The following SMARCA5 variants were observed in gnomAD, a reference collection of about 807,000 sequenced individuals.
SMARCA5 encodes SNF2 related chromatin remodeling ATPase 5, also known as SWI/SNF-related matrix-associated actin-dependent regulator of chromatin subfamily A member 5.
A neutral mutation model predicts 140.4 loss-of-function variants in SMARCA5; 18 were observed. That is an observed-to-expected ratio of 0.13 (90% CI 0.09 to 0.19). The LOEUF is 0.19. Among genes scored for constraint, SMARCA5 ranks in the 10% least tolerant of loss-of-function variants. The pLI, the probability that SMARCA5 is intolerant of heterozygous loss-of-function variation, is 1.00. For synonymous variants in SMARCA5, 449 were observed against 419.6 expected, an observed-to-expected ratio of 1.07 and a Z score of -0.86; for missense variants, 606 against 1,276.8, an observed-to-expected ratio of 0.47 and a Z score of 8.01.
At chr4:143,541,295 C>T (rs887689886) in intron 14 of SMARCA5, among the ~76,000 whole-genome samples, 2 of 152,124 alleles carry the variant, frequency 1.3e-5, no homozygotes, top group Admixed American at 6.5e-5. Context: ...CATTTGTGAG[C>T]ATGTATTTAC....
intron 2 of SMARCA5, among the ~76,000 whole-genome samples, chr4:143,521,119 T>C (rs1736948509): frequency 6.6e-6 from 1 of 152,126 alleles, no homozygotes; most frequent in Non-Finnish European, 1.5e-5. Context: ...TGATGCAGAG[T>C]AGTTCCATCA....
In SMARCA5 at chr4:143,519,722, T is replaced by C. The variant is rs80323730; in HGVS notation, c.253-1707T>C. Among the ~76,000 whole-genome samples, 612 of 152,230 alleles carry C rather than the reference T, an allele frequency of 4.0e-3. 5 individuals carry two copies. Among genetic ancestry groups the C allele is most frequent in the African/African-American group, 0.014 (579 of 41,548 alleles). The stretch of plus-strand genomic sequence containing the variant: ...TCGTTCTTGAACCCAGAATGCTGAG[T>C]ACTACTTCAGAAAACTAAATACTAG... On this transcript the variant is annotated intron_variant, in intron 2 of 23. Transcript: ENST00000283131.
chr4:143,538,627 A>G lies in SMARCA5; in HGVS notation c.1533A>G (p.Val511=). 1.9e-6 allele frequency: 3 copies of G among 1,611,088 alleles called. No individual in the cohort carries two copies. In the Middle Eastern group the frequency reaches 5.0e-4, roughly 266 times the overall value. The change falls in exon 12 of 24, where the codon GTA becomes GTG. Residue 511 remains valine, a synonymous_variant. Coordinates refer to ENST00000283131, the MANE Select transcript of SMARCA5 (RefSeq NM_003601.4). ...TAATCTTCAGTCAAATGACAAGGGT[A>G]TTGGACATTTTGGAAGATTATTGCA... ...RVLIFSQMTR[V]LDILEDYCMW...
intron 14 of SMARCA5, among the ~76,000 whole-genome samples, chr4:143,542,165 CTT>C (rs1036983336): frequency 1.3e-5 from 2 of 152,146 alleles, no homozygotes; most frequent in African/African-American, 4.8e-5. Flanking sequence ...GTCCAAAACA[CTT>C]TTTTTAAAGA....
rs1285970783 is a variant in SMARCA5, at chr4:143,527,990, T to C, written c.924T>C (p.Asp308=). Residue 308 remains aspartate, a synonymous_variant, in exon 7 of 24, where the codon GAT becomes GAC. Coordinates refer to ENST00000283131, the MANE Select transcript of SMARCA5 (RefSeq NM_003601.4). The part of the protein sequence containing the change: ...KKFNWRYLVI[D]EAHRIKNEKS... ...TTAATTGGAGATACTTAGTAATAGATGAAGCTCACAGGATCAAAAATGAAA... is the reference window on the plus strand; with the variant it reads ...TTAATTGGAGATACTTAGTAATAGACGAAGCTCACAGGATCAAAAATGAAA... The C allele has an allele frequency of 3.8e-6, 6 of 1,584,810 alleles. No homozygotes were observed. Among genetic ancestry groups the C allele is most frequent in the Non-Finnish European group, 5.1e-6 (6 of 1,171,336 alleles).
intron 21 of SMARCA5, 34 bp from the exon 22 acceptor site, chr4:143,547,894 G>C (rs958200494): frequency 1.6e-6 from 2 of 1,219,310 alleles, no homozygotes; most frequent in Non-Finnish European, 2.3e-6. Flanking sequence ...TATAGGATTT[G>C]TATTTTATAT....
Position 143,521,528 on chromosome 4 carries a change from T to A in SMARCA5, c.352T>A (p.Leu118Met). Reference protein sequence around the residue: ...PAAQKTPTSPLKMKPGRPRIK... With the variant: ...PAAQKTPTSPMKMKPGRPRIK... The stretch of plus-strand genomic sequence containing the variant: ...TGCTCAGAAGACTCCAACTTCACCT[T>A]TGAAGATGAAACCAGGGCGCCCACG... The change falls in exon 3 of 24, where the codon TTG (leucine) becomes ATG (methionine). Residue 118 changes from leucine (L) to methionine (M), a missense_variant. Physicochemically the swap from Leu to Met is conservative, Grantham distance 15. Transcript: ENST00000283131. The A allele has an allele frequency of 6.2e-7, 1 of 1,613,826 alleles. No individual in the cohort carries two copies. Among genetic ancestry groups the A allele is most frequent in the Non-Finnish European group, 8.5e-7 (1 of 1,179,864 alleles).
In SMARCA5 at chr4:143,516,205, ATTTT is replaced by A. The variant is rs60061501; in HGVS notation, c.178-1132_178-1129del. 6.5e-4 allele frequency among the ~76,000 whole-genome samples: 81 copies of A among 124,394 alleles called. 1 individual carries two copies. Among genetic ancestry groups the A allele is most frequent in the Admixed American group, 2.4e-3 (30 of 12,644 alleles). The allele number at this position is 124,394 out of a possible 152,430, so 81.6% of individuals were successfully genotyped here. A position where few individuals can be genotyped will look rare whatever the true frequency, so the allele number is the denominator to read the frequency against. ...AACAGAGTAAACCCAGCATTCATGA[ATTTT>A]TTTTTTTTTTTTTTTTTGGTGACAA... On this transcript the variant is annotated intron_variant, in intron 1 of 23. Transcript: ENST00000283131.
Position 143,557,435 on chromosome 4 carries a change from A to G in SMARCA5, c.*4251A>G, listed in dbSNP as rs763714443. On this transcript the variant is annotated 3_prime_UTR_variant, in exon 24 of 24. Coordinates refer to ENST00000283131, the MANE Select transcript of SMARCA5 (RefSeq NM_003601.4). ...TAGATTGTGAATAAATTGGGAAAAG[A>G]AATAGAGATAAGTAGAGATTATTTC... 6.6e-5 allele frequency: 10 copies of G among 152,360 alleles called. No individual in the cohort carries two copies. The highest frequency in any genetic ancestry group is 3.4e-3 in the Middle Eastern group (1 of 294). The allele number at this position is 152,360 out of a possible 1,614,324, so 9.4% of individuals were successfully genotyped here. A position where few individuals can be genotyped will look rare whatever the true frequency, so the allele number is the denominator to read the frequency against.
At chr4:143,520,165 T>G (rs957088425) in intron 2 of SMARCA5, among the ~76,000 whole-genome samples, 14 of 152,298 alleles carry the variant, frequency 9.2e-5, no homozygotes, top group Admixed American at 3.9e-4. Flanking sequence ...TTATCTTGAT[T>G]CCAAACATAA....
chr4:143,514,538 A>G (rs1382833485), intron 1 of SMARCA5: 1 of 159,620 alleles, frequency 6.3e-6, no homozygotes, highest in Non-Finnish European at 1.4e-5. Flanking sequence ...TGAAGGAGGC[A>G]TTTAAAAGCA....
intron 16 of SMARCA5, 142 bp from the exon 17 acceptor site, chr4:143,544,595 A>G (rs1737486560): frequency 1.9e-6 from 1 of 517,676 alleles, no homozygotes; most frequent in Admixed American, 3.7e-5. Context: ...AATATTGAGC[A>G]AAGTATCATA....
At chr4:143,549,867 G>GTTT in intron 22 of SMARCA5, 130 bp from the exon 23 acceptor site, 1 of 483,562 alleles carries the variant, frequency 2.1e-6, no homozygotes, top group Non-Finnish European at 3.7e-6. Context: ...AAAATCAGTT[G>GTTT]TTTTTTTTTT....
At chr4:143,518,513 A>G (rs1281816952) in intron 2 of SMARCA5, among the ~76,000 whole-genome samples, 1 of 152,172 alleles carries the variant, frequency 6.6e-6, no homozygotes, top group African/African-American at 2.4e-5. Flanking sequence ...TATCTGGCAC[A>G]TAGCAGATCT....
At chr4:143,543,479 T>A in intron 14 of SMARCA5, 30 bp from the exon 15 acceptor site, 2 of 1,594,586 alleles carry the variant, frequency 1.3e-6, no homozygotes, top group South Asian at 2.3e-5. Flanking sequence ...GTCTGTTCAG[T>A]TAACATTATA....
At chr4:143,548,455 C>G (rs930555109) in intron 22 of SMARCA5, among the ~76,000 whole-genome samples, 3 of 151,868 alleles carry the variant, frequency 2.0e-5, no homozygotes, top group African/African-American at 7.3e-5. Context: ...GAAAAATGGT[C>G]CTTGCATTCA....
intron 3 of SMARCA5, 47 bp downstream of exon 3, chr4:143,521,642 T>C (rs746102110): frequency 6.2e-6 from 9 of 1,462,080 alleles, no homozygotes; most frequent in Non-Finnish European, 7.5e-6. Flanking sequence ...TTATTTTCGA[T>C]AGTCTTCAGT....
intron 18 of SMARCA5, 80 bp from the exon 19 acceptor site, chr4:143,545,845 C>G (rs1046256074): frequency 1.2e-5 from 16 of 1,286,846 alleles, no homozygotes; most frequent in Non-Finnish European, 1.8e-5. Context: ...TGAATTGAAA[C>G]TTGTGAAATG....
At position 143,546,768 on chromosome 4, in the gene SMARCA5, C is replaced by T; in HGVS notation, c.2521-8C>T. ...GTGATTAAATATTTTGTTTCTGTTCCTGTGAAGGGATTTACCAATTGGAAT... is the reference window on the plus strand; with the variant it reads ...GTGATTAAATATTTTGTTTCTGTTCTTGTGAAGGGATTTACCAATTGGAAT... On this transcript the variant is annotated splice_polypyrimidine_tract_variant and splice_region_variant and intron_variant, in intron 19 of 23. Coordinates refer to ENST00000283131, the MANE Select transcript of SMARCA5 (RefSeq NM_003601.4). 1.3e-6 allele frequency: 2 copies of T among 1,599,356 alleles called. No homozygotes were observed. Among genetic ancestry groups the T allele is most frequent in the East Asian group, 4.5e-5 (2 of 44,322 alleles).
Sources: gnomAD v4.1 joint callset for allele counts (sites outside exome capture counted in the v4.1 genomes callset) on GRCh38, gnomAD v4.1.1 for gene constraint, MANE v1.5 for transcripts, NCBI Gene and HGNC (gene_info 2026-07-23, HGNC 2026-07-21) for gene names.